The following MYLK variants were observed in gnomAD, a reference collection of about 807,000 sequenced individuals.
MYLK encodes myosin light chain kinase, smooth muscle.
Under a neutral mutation model 203.4 loss-of-function variants are expected in MYLK, and 106 were observed. That is an observed-to-expected ratio of 0.52 (90% CI 0.45 to 0.61). The LOEUF (loss-of-function observed/expected upper bound fraction) is 0.61. MYLK is among the 20% of genes least tolerant of loss of function. The probability of loss-of-function intolerance (pLI) is 0.00; values close to 1 mark genes in which losing one functional copy is unlikely to be tolerated. For missense variants in MYLK, 2,072 were observed against 2,442.3 expected (o/e 0.85, Z 3.20); for synonymous variants, 867 against 959.5 (o/e 0.90, Z 1.78).
At chr3:123,831,738 G>A (rs17302008) in intron 2 of MYLK, 68 bp from the exon 3 acceptor site, 24,557 of 237,354 alleles carry the variant, frequency 0.1, 1,646 homozygotes, top group Middle Eastern at 0.24. Flanking sequence ...ATGTGGGAGC[G>A]GCTGGGAGGA....
chr3:123,842,740 C>T (rs1054769669), intron 2 of MYLK, among the ~76,000 whole-genome samples: 4 of 152,174 alleles, frequency 2.6e-5, no homozygotes, highest in Non-Finnish European at 1.5e-5. Context: ...GACATTGTGT[C>T]CATTTATGCA....
At position 123,669,908 on chromosome 3, in the gene MYLK, G is replaced by A. The variant is rs188011062; in HGVS notation, c.3653-2721C>T. On this transcript the variant is annotated intron_variant, in intron 20 of 33. Coordinates refer to ENST00000360304, the MANE Select transcript of MYLK (RefSeq NM_053025.4). ...AAATTAGCCAGGTGTGGTGGTGTGC[G>A]CCTGTAATCCCAGCTACTCAGGCGG... is the stretch of plus-strand genomic sequence containing the variant. 4.2e-3 allele frequency among the ~76,000 whole-genome samples: 641 copies of A among 151,684 alleles called. 5 individuals carry two copies. The highest frequency in any genetic ancestry group is 0.015 in the African/African-American group (627 of 41,344).
At chr3:123,651,832 C>T (rs2059221625) in intron 24 of MYLK, among the ~76,000 whole-genome samples, 1 of 152,236 alleles carries the variant, frequency 6.6e-6, no homozygotes, top group African/African-American at 2.4e-5. Context: ...CCCCAGAGGT[C>T]TGTGGCAGAT....
At chr3:123,840,479 A>G (rs2066565954) in intron 2 of MYLK, among the ~76,000 whole-genome samples, 1 of 151,448 alleles carries the variant, frequency 6.6e-6, no homozygotes, top group African/African-American at 2.4e-5. Context: ...CAACTTAGAT[A>G]AAATACAAAA....
intron 13 of MYLK, among the ~76,000 whole-genome samples, chr3:123,715,684 G>C (rs535512376): frequency 6.6e-6 from 1 of 152,246 alleles, no homozygotes; most frequent in African/African-American, 2.4e-5. Flanking sequence ...CCTGACACTA[G>C]GAACCCACTG....
In MYLK at chr3:123,858,486, C is replaced by T. The variant is rs78244401; in HGVS notation, c.-127+18073G>A. Among the ~76,000 whole-genome samples the T allele has an allele frequency of 6.6e-3, 1,001 of 152,204 alleles. 9 individuals carry two copies. The highest frequency in any genetic ancestry group is 0.02 in the African/African-American group (847 of 41,506). On this transcript the variant is annotated intron_variant, in intron 2 of 33. Transcript: ENST00000360304. ...TTACAGAGGCTGAGAAGTACAAGGTCGAGAGGCTACATCTGGTAAGAACCT... is the reference window on the plus strand; with the variant it reads ...TTACAGAGGCTGAGAAGTACAAGGTTGAGAGGCTACATCTGGTAAGAACCT...
intron 4 of MYLK, among the ~76,000 whole-genome samples, chr3:123,790,539 T>A (rs1231849484): frequency 2.0e-5 from 3 of 152,200 alleles, no homozygotes; most frequent in Non-Finnish European, 4.4e-5. Context: ...GGGTGCCTGT[T>A]ATCCCATCTT....
intron 2 of MYLK, among the ~76,000 whole-genome samples, chr3:123,857,711 T>A (rs1043648658): frequency 5.3e-5 from 8 of 151,344 alleles, no homozygotes; most frequent in African/African-American, 1.7e-4. Context: ...GACGAGTTAG[T>A]GGGTGCAGTG....
At chr3:123,881,967 T>A (rs2033573870) in intron 1 of MYLK, among the ~76,000 whole-genome samples, 1 of 152,338 alleles carries the variant, frequency 6.6e-6, no homozygotes, top group African/African-American at 2.4e-5. Context: ...GCAGTGACTG[T>A]AGCTGTCTGT....
intron 4 of MYLK, among the ~76,000 whole-genome samples, chr3:123,780,635 C>T (rs2064259574): frequency 6.6e-6 from 1 of 152,136 alleles, no homozygotes; most frequent in Non-Finnish European, 1.5e-5. Flanking sequence ...CACTGTTGGT[C>T]TTAAGAGAGG....
chr3:123,640,467 C>T lies in MYLK; in HGVS notation c.4657G>A (p.Glu1553Lys), dbSNP rs2058793477. ...GGELFERIID[E>K]DFELTERECI... ...TCACGCTCCGTCAGCTCAAAGTCCT[C>T]GTCAATGATGCGCTCAAACAGCTCC... is the stretch of plus-strand genomic sequence containing the variant. The change falls in exon 28 of 34, where the codon GAG becomes AAG. Residue 1553 changes from glutamate (E) to lysine (K), a missense_variant. Physicochemically the swap from Glu to Lys is moderately conservative, Grantham distance 56 (BLOSUM62 1). Coordinates refer to ENST00000360304, the MANE Select transcript of MYLK (RefSeq NM_053025.4). This position sits in a 1 kb window ranked among gnomAD's most constrained non-coding sequence, Gnocchi z 4.3. The T allele has an allele frequency of 6.2e-7, 1 of 1,614,022 alleles. No homozygotes were observed. Among genetic ancestry groups the T allele is most frequent in the Non-Finnish European group, 8.5e-7 (1 of 1,180,016 alleles).
chr3:123,687,579 C>A (rs2060499307), intron 19 of MYLK, among the ~76,000 whole-genome samples: 1 of 151,996 alleles, frequency 6.6e-6, no homozygotes, highest in East Asian at 1.9e-4. Flanking sequence ...ACCCTTCCTT[C>A]CTTCCTTTCT....
intron 30 of MYLK, among the ~76,000 whole-genome samples, chr3:123,628,725 C>G (rs925400429): frequency 2.6e-5 from 4 of 152,194 alleles, no homozygotes; most frequent in African/African-American, 9.7e-5. Flanking sequence ...CCACTCTGGT[C>G]TCCTCTACAA....
chr3:123,735,983 G>A (rs2062661364), intron 8 of MYLK, among the ~76,000 whole-genome samples: 1 of 152,056 alleles, frequency 6.6e-6, no homozygotes, highest in East Asian at 1.9e-4. Flanking sequence ...TTGTTTTTGA[G>A]TATTTTAAAA....
chr3:123,873,443 A>C (rs1219648704), intron 2 of MYLK, among the ~76,000 whole-genome samples: 8 of 152,170 alleles, frequency 5.3e-5, no homozygotes, highest in African/African-American at 9.6e-5. Context: ...AATCTTAACC[A>C]GCACAATAAA....
At position 123,850,527 on chromosome 3, in the gene MYLK, C is replaced by T. The variant is rs577135098; in HGVS notation, c.-126-18857G>A. Among the ~76,000 whole-genome samples the T allele has an allele frequency of 3.3e-4, 51 of 152,292 alleles. No individual in the cohort carries two copies. The South Asian group carries it at 6.8e-3, about 20-fold the overall frequency. On this transcript the variant is annotated intron_variant, in intron 2 of 33. Coordinates refer to ENST00000360304, the MANE Select transcript of MYLK (RefSeq NM_053025.4). ...GAGCATTTTTTCATTTGTCTTTTGG[C>T]TGCATAAATGTCTTCTTTTGAGAAG...
chr3:123,646,842 A>C, intron 27 of MYLK: 1 of 232,228 alleles, frequency 4.3e-6, no homozygotes, highest in Non-Finnish European at 8.5e-6. Flanking sequence ...GAAGTCAGGA[A>C]GCTGCCCTGT....
At chr3:123,805,054 C>G (rs1341231912) in intron 3 of MYLK, among the ~76,000 whole-genome samples, 1 of 152,138 alleles carries the variant, frequency 6.6e-6, no homozygotes, top group East Asian at 1.9e-4. Flanking sequence ...GTCCACAGCT[C>G]CTGCTGGACC....
intron 3 of MYLK, among the ~76,000 whole-genome samples, chr3:123,799,031 G>A (rs1332266485): frequency 6.6e-6 from 1 of 152,188 alleles, no homozygotes; most frequent in Non-Finnish European, 1.5e-5. Flanking sequence ...ATGCTCAGTG[G>A]CTAGAATCAA....
Sources: gnomAD v4.1 joint callset for allele counts (sites outside exome capture counted in the v4.1 genomes callset) on GRCh38, gnomAD v4.1.1 for gene constraint, Gnocchi (gnomAD v3.1) non-coding constraint, MANE v1.5 for transcripts, NCBI Gene and HGNC (gene_info 2026-07-23, HGNC 2026-07-21) for gene names.